PTPRU: variants seen among roughly 807,000 people sequenced by gnomAD.
The protein encoded by PTPRU is protein tyrosine phosphatase receptor type U.
In PTPRU, 69 loss-of-function variants were observed where a neutral mutation model predicts 166.3. The observed-to-expected ratio is 0.41, with a 90% CI of 0.34 to 0.51. PTPRU has a LOEUF of 0.51. Among genes scored for constraint, PTPRU ranks in the 20% least tolerant of loss-of-function variants. The pLI, the probability that PTPRU is intolerant of heterozygous loss-of-function variation, is 0.09. For synonymous variants in PTPRU, 793 were observed against 814.0 expected (o/e 0.97, Z 0.44); for missense variants, 1,657 against 2,013.7 (o/e 0.82, Z 3.39).
intron 1 of PTPRU, among the ~76,000 whole-genome samples, chr1:29,250,505 A>G (rs1358703337): frequency 6.6e-6 from 1 of 152,232 alleles, no homozygotes; most frequent in Non-Finnish European, 1.5e-5. Context: ...GAATAATAAT[A>G]GTACCTAATA....
rs757514459 is a variant in PTPRU at position 29,255,340 on chromosome 1, G to A, written c.139G>A (p.Asp47Asn). 8.7e-6 allele frequency: 14 copies of A among 1,614,020 alleles called. No homozygotes were observed. Among genetic ancestry groups the A allele is most frequent in the East Asian group, 6.7e-5 (3 of 44,902 alleles). Residue 47 changes from aspartate (D) to asparagine (N), a missense_variant, in exon 2 of 30, where the codon GAT becomes AAT. Physicochemically the swap from Asp to Asn is conservative, Grantham distance 23. Transcript: ENST00000373779. ...VPCEYSQAQY[D>N]DFQWEQVRIH... The stretch of plus-strand genomic sequence containing the variant: ...CTGCGAGTACAGCCAGGCCCAGTAC[G>A]ATGACTTCCAGTGGGAGCAAGTGCG...
Position 29,304,055 on chromosome 1 carries a change from G to A in PTPRU, c.2667+10G>A, listed in dbSNP as rs754631773. 5 of 1,595,146 alleles carry A rather than the reference G, an allele frequency of 3.1e-6. No individual in the cohort carries two copies. The South Asian group carries it at 3.3e-5, about 11-fold the overall frequency. On this transcript the variant is annotated intron_variant, in intron 16 of 29. Transcript: ENST00000373779. The stretch of plus-strand genomic sequence containing the variant: ...CAAGCAGGAGTATGAGGTGCACGCC[G>A]GCCCCGGGCCAGCAGGATCCCTGCA...
chr1:29,279,110 A>G lies in PTPRU; in HGVS notation c.1552A>G (p.Thr518Ala). ...GCCCCAGGAGCCCAATGGTCTCATC[A>G]CCCAGTATGAGGTGGGTTTGGGACC... is the stretch of plus-strand genomic sequence containing the variant. The part of the protein sequence containing the change: ...EEPQEPNGLI[T>A]QYEISYQSIE... The change falls in exon 9 of 30, where the codon ACC becomes GCC. Residue 518 changes from threonine to alanine, a missense_variant. Transcript: ENST00000373779. The surrounding 1 kb of genome is among the most constrained non-coding windows in gnomAD (Gnocchi z 5.2). The G allele has an allele frequency of 1.9e-6, 3 of 1,572,888 alleles. No individual in the cohort carries two copies.
At chr1:29,272,294 G>A (rs1032443795) in intron 7 of PTPRU, among the ~76,000 whole-genome samples, 1 of 152,256 alleles carries the variant, frequency 6.6e-6, no homozygotes, top group Non-Finnish European at 1.5e-5. Context: ...CAGCCCCTCA[G>A]TGTCCATATG....
rs535447381 is a variant in PTPRU, at chr1:29,320,869, G to C, written c.3828+44G>C. 41 of 1,497,776 alleles carry C rather than the reference G, an allele frequency of 2.7e-5. 1 individual carries two copies. In the South Asian group the frequency reaches 5.3e-4, roughly 19 times the overall value. 92.8% of individuals were successfully genotyped at this position (1,497,776 alleles called of 1,614,324 possible). A position where few individuals can be genotyped will look rare whatever the true frequency, so the allele number is the denominator to read the frequency against. On this transcript the variant is annotated intron_variant, in intron 26 of 29. Coordinates refer to ENST00000373779, the MANE Select transcript of PTPRU (RefSeq NM_133178.4). The surrounding 1 kb of genome is among the most constrained non-coding windows in gnomAD (Gnocchi z 5.2). ...AGGCCAATGGGCCGCCTGCTCCCAGGTCCTCTGTGTATTCAGGGCCATGGT... is the reference window on the plus strand; with the variant it reads ...AGGCCAATGGGCCGCCTGCTCCCAGCTCCTCTGTGTATTCAGGGCCATGGT...
intron 2 of PTPRU, among the ~76,000 whole-genome samples, chr1:29,255,863 A>G (rs1574615436): frequency 6.6e-6 from 1 of 152,192 alleles, no homozygotes; most frequent in Admixed American, 6.5e-5. Context: ...TCCTCCTGGA[A>G]GTCCCAGATT....
At chr1:29,261,592 C>T (rs959732639) in intron 7 of PTPRU, among the ~76,000 whole-genome samples, 13 of 152,110 alleles carry the variant, frequency 8.5e-5, no homozygotes, top group South Asian at 6.2e-4. Flanking sequence ...CACAGTGGCG[C>T]GATCTTGGTT....
chr1:29,238,970 G>A lies in PTPRU; in HGVS notation c.73+2253G>A, dbSNP rs561635244. ...GTATGGCACTTTTGGTAGATACCAAGTACCTTGTAAAGTAAGGCTCTGTCT... is the reference window on the plus strand; with the variant it reads ...GTATGGCACTTTTGGTAGATACCAAATACCTTGTAAAGTAAGGCTCTGTCT... On this transcript the variant is annotated intron_variant, in intron 1 of 29. Coordinates refer to ENST00000373779, the MANE Select transcript of PTPRU (RefSeq NM_133178.4). This position sits in a 1 kb window ranked among gnomAD's most constrained non-coding sequence, Gnocchi z 6.1. Among the ~76,000 whole-genome samples, 1 of 152,334 alleles carries A rather than the reference G, an allele frequency of 6.6e-6. No individual in the cohort carries two copies. The highest frequency in any genetic ancestry group is 2.4e-5 in the African/African-American group (1 of 41,580).
intron 1 of PTPRU, among the ~76,000 whole-genome samples, chr1:29,246,473 T>G (rs1262294058): frequency 6.6e-6 from 1 of 152,220 alleles, no homozygotes; most frequent in Non-Finnish European, 1.5e-5. Context: ...CTGCACAGTA[T>G]CTGACATTGC....
At chr1:29,264,630 T>C (rs907477121) in intron 7 of PTPRU, among the ~76,000 whole-genome samples, 20 of 151,912 alleles carry the variant, frequency 1.3e-4, no homozygotes, top group African/African-American at 4.8e-4. Context: ...CTCAGCCTCC[T>C]GAGTAGCTGG....
chr1:29,325,587 TCCTCTC>T lies in PTPRU; in HGVS notation c.4249-9_4249-4del, dbSNP rs1428026907. On this transcript the variant is annotated splice_polypyrimidine_tract_variant and splice_region_variant and intron_variant, in intron 29 of 29. Coordinates refer to ENST00000373779, the MANE Select transcript of PTPRU (RefSeq NM_133178.4). ...CAGGCTCATGATTCCCTCCCTCTCT[TCCTCTC>T]CCCAGGATCAGTACCACTTTTGCTA... 6.2e-7 allele frequency: 1 copy of T among 1,606,006 alleles called. No individual in the cohort carries two copies. Among genetic ancestry groups the T allele is most frequent in the Admixed American group, 1.7e-5 (1 of 59,996 alleles).
intron 26 of PTPRU, among the ~76,000 whole-genome samples, chr1:29,321,646 T>C (rs1688166264): frequency 6.6e-6 from 1 of 152,218 alleles, no homozygotes; most frequent in South Asian, 2.1e-4. Context: ...GGTAAGTTGA[T>C]TGACCTCTTT....
chr1:29,236,656 C>G lies in PTPRU; in HGVS notation c.12C>G (p.Ala4=). MAR[A]QALVLALTFQ... is the part of the protein sequence containing the mutation. ...GCGACGCTCCAACCATGGCCCGTGC[C>G]CAGGCGCTCGTGCTGGCACTCACCT... The change falls in exon 1 of 30, where the codon GCC becomes GCG. Residue 4 remains alanine (A), a synonymous_variant. Transcript: ENST00000373779. The surrounding 1 kb of genome is among the most constrained non-coding windows in gnomAD (Gnocchi z 4.6). The G allele has an allele frequency of 7.0e-7, 1 of 1,424,006 alleles. No homozygotes were observed. The highest frequency in any genetic ancestry group is 9.2e-7 in the Non-Finnish European group (1 of 1,086,966). 88.2% of individuals were successfully genotyped at this position (1,424,006 alleles called of 1,614,324 possible).
At chr1:29,267,280 T>C (rs1386335278) in intron 7 of PTPRU, among the ~76,000 whole-genome samples, 1 of 152,160 alleles carries the variant, frequency 6.6e-6, no homozygotes, top group Non-Finnish European at 1.5e-5. Context: ...AGGGCCTGTA[T>C]ATATGAAGGG....
chr1:29,311,519 T>G lies in PTPRU; in HGVS notation c.2921T>G (p.Ile974Ser). The G allele has an allele frequency of 1.2e-6, 2 of 1,614,132 alleles. No individual in the cohort carries two copies. Among genetic ancestry groups the G allele is most frequent in the Non-Finnish European group, 1.7e-6 (2 of 1,180,026 alleles). The part of the protein sequence containing the change: ...RMVWQEHCSS[I>S]VMITKLVEVG... ...GTGTGGCAGGAGCACTGTTCCAGCA[T>G]CGTCATGATCACCAAGCTGGTCGAG... Residue 974 changes from isoleucine (I) to serine (S), a missense_variant, in exon 20 of 30, where the codon ATC (isoleucine) becomes AGC (serine). Ile to Ser is a moderately radical substitution (Grantham distance 142). Around this residue, in one of 3 missense-constraint regions of PTPRU, gnomAD observed 1,190 missense variants for 1,477.4 expected, o/e 0.81. Transcript: ENST00000373779. This position sits in a 1 kb window ranked among gnomAD's most constrained non-coding sequence, Gnocchi z 4.1.
chr1:29,283,704 T>G (rs1686209009), intron 12 of PTPRU: 13 of 525,586 alleles, frequency 2.5e-5, no homozygotes, highest in Non-Finnish European at 1.3e-5. Flanking sequence ...CCCAAGACGT[T>G]TGTTTCTCTT....
At chr1:29,270,102 CT>C (rs1378402080) in intron 7 of PTPRU, among the ~76,000 whole-genome samples, 3 of 152,172 alleles carry the variant, frequency 2.0e-5, no homozygotes, top group African/African-American at 4.8e-5. Context: ...GAAGAAAGGG[CT>C]TTTAAATATA....
At chr1:29,275,263 G>A (rs1223756942) in intron 7 of PTPRU, among the ~76,000 whole-genome samples, 185 bp from the exon 8 acceptor site, 2 of 152,154 alleles carry the variant, frequency 1.3e-5, no homozygotes, top group African/African-American at 4.8e-5. Flanking sequence ...GGATTCAAAT[G>A]TAGTCCGCCT....
chr1:29,254,018 T>C (rs896935346), intron 1 of PTPRU, among the ~76,000 whole-genome samples: 11 of 152,204 alleles, frequency 7.2e-5, no homozygotes, highest in Non-Finnish European at 1.5e-5. Context: ...AAGTCTGTGA[T>C]GCCAAAGCCC....
Sources: allele counts gnomAD v4.1 joint callset (sites outside exome capture counted in the v4.1 genomes callset), GRCh38; gene constraint gnomAD v4.1.1; regional missense constraint gnomAD v4.1.1; non-coding constraint Gnocchi (gnomAD v3.1); transcripts MANE v1.5; gene names NCBI Gene and HGNC (gene_info 2026-07-23, HGNC 2026-07-21).